The following SLC4A7 variants were observed in gnomAD, a reference collection of about 807,000 sequenced individuals.
SLC4A7 encodes the protein sodium bicarbonate cotransporter 3.
Under a neutral mutation model 137.6 loss-of-function variants are expected in SLC4A7, and 51 were observed. That is an observed-to-expected ratio of 0.37 (90% CI 0.30 to 0.47). The LOEUF (loss-of-function observed/expected upper bound fraction) is 0.47, where lower values mean the gene tolerates loss of function less well. Ranked by LOEUF, SLC4A7 falls within the 20% of genes least tolerant of loss-of-function variation. The pLI, the probability that SLC4A7 is intolerant of heterozygous loss-of-function variation, is 1.00. For missense variants in SLC4A7, 1,247 were observed against 1,525.4 expected (o/e 0.82, Z 3.04); for synonymous variants, 542 against 518.6 (o/e 1.05, Z -0.61).
chr3:27,436,354 CT>C, intron 5 of SLC4A7, 33 bp downstream of exon 5: 1 of 1,543,246 alleles, frequency 6.5e-7, no homozygotes, highest in Non-Finnish European at 8.9e-7. Flanking sequence ...TCCACTACAC[CT>C]TACATATTTT....
Position 27,434,065 on chromosome 3 carries a change from T to C in SLC4A7, c.629A>G (p.Asp210Gly). The C allele has an allele frequency of 6.2e-7, 1 of 1,613,552 alleles. No individual in the cohort carries two copies. The highest frequency in any genetic ancestry group is 1.7e-5 in the Admixed American group (1 of 59,974). Reference sequence around the variant, plus strand: ...TCTGACATTCTCTCGTATGGACTCGTCTAATTGGCCAGAAGCTATCATGTT... The same window carrying C: ...TCTGACATTCTCTCGTATGGACTCGCCTAATTGGCCAGAAGCTATCATGTT... ...LDNMIASGQL[D>G]ESIRENVREA... The change falls in exon 6 of 26, where the codon GAC (aspartate) becomes GGC (glycine). Residue 210 changes from aspartate to glycine, a missense_variant. This residue lies in a region of SLC4A7 where 223 missense variants were observed against 203.6 expected (regional missense o/e 1.10). Transcript: ENST00000454389.
chr3:27,407,375 G>A (rs928806466), intron 13 of SLC4A7, among the ~76,000 whole-genome samples: 8 of 151,588 alleles, frequency 5.3e-5, no homozygotes, highest in East Asian at 2.0e-4. Context: ...AGCTACTCAG[G>A]AGACTGAGGC....
At chr3:27,462,714 TA>T in intron 1 of SLC4A7, 1 of 39,188 alleles carries the variant, frequency 2.6e-5, no homozygotes, top group Non-Finnish European at 5.1e-5. Context: ...GTTGAGAATC[TA>T]AAAGCAACTC....
intron 1 of SLC4A7, among the ~76,000 whole-genome samples, chr3:27,481,585 C>T (rs2059709279): frequency 6.6e-6 from 1 of 152,168 alleles, no homozygotes; most frequent in Non-Finnish European, 1.5e-5. Context: ...TTTATCAACG[C>T]CAATAGTTCC....
chr3:27,381,671 A>G (rs1246441143), intron 24 of SLC4A7, among the ~76,000 whole-genome samples: 1 of 151,932 alleles, frequency 6.6e-6, no homozygotes, highest in African/African-American at 2.4e-5. Context: ...CTAAAAAAAA[A>G]GAGAAAGAAA....
intron 20 of SLC4A7, among the ~76,000 whole-genome samples, chr3:27,393,989 G>A (rs111271538): frequency 6.6e-6 from 1 of 151,878 alleles, no homozygotes. Flanking sequence ...TTTTATTTAT[G>A]AGCGTTTTAT....
chr3:27,444,438 C>T (rs761487311), intron 3 of SLC4A7, among the ~76,000 whole-genome samples: 25 of 152,166 alleles, frequency 1.6e-4, no homozygotes, highest in Admixed American at 9.2e-4. Context: ...TCCGCTCATA[C>T]ATATTAGACT....
chr3:27,393,046 G>C (rs773144156), intron 20 of SLC4A7, among the ~76,000 whole-genome samples: 43 of 152,172 alleles, frequency 2.8e-4, no homozygotes, highest in Non-Finnish European at 4.3e-4. Context: ...TCTGAGATCT[G>C]TTTAGCTGGA....
intron 21 of SLC4A7, among the ~76,000 whole-genome samples, chr3:27,391,294 C>T (rs2051527940): frequency 6.6e-6 from 1 of 152,036 alleles, no homozygotes; most frequent in Non-Finnish European, 1.5e-5. Flanking sequence ...TCTTCCTTTC[C>T]TCTCTCCCAA....
chr3:27,395,213 G>T, intron 18 of SLC4A7, 98 bp from the exon 19 acceptor site: 1 of 748,538 alleles, frequency 1.3e-6, no homozygotes, highest in Non-Finnish European at 2.0e-6. Flanking sequence ...AATACCCAAC[G>T]AATGGGAAAT....
intron 1 of SLC4A7, among the ~76,000 whole-genome samples, chr3:27,478,360 A>C (rs1003953108): frequency 4.6e-5 from 7 of 151,708 alleles, no homozygotes; most frequent in African/African-American, 1.7e-4. Context: ...TCTACTAAAA[A>C]TACAAAAATT....
rs1041461297 is a variant in SLC4A7, at chr3:27,373,031, C to T, written c.*3733G>A. 5.5e-5 allele frequency: 8 copies of T among 144,550 alleles called. No homozygotes were observed. Among genetic ancestry groups the T allele is most frequent in the African/African-American group, 1.0e-4 (4 of 38,694 alleles). 9.0% of individuals were successfully genotyped at this position (144,550 alleles called of 1,614,324 possible). ...AAAATTCAATTTTTATTTATTTAAA[C>T]GTAGTTAAACATTGGAAGACAATCT... On this transcript the variant is annotated 3_prime_UTR_variant, in exon 26 of 26. Transcript: ENST00000454389.
At chr3:27,412,940 T>C (rs1199265660) in intron 11 of SLC4A7, among the ~76,000 whole-genome samples, 1 of 152,034 alleles carries the variant, frequency 6.6e-6, no homozygotes, top group Non-Finnish European at 1.5e-5. Context: ...AAATCTTTCC[T>C]GGAAGAAAGT....
intron 25 of SLC4A7, 105 bp downstream of exon 25, chr3:27,379,144 C>A (rs1343227479): frequency 3.1e-6 from 2 of 643,080 alleles, no homozygotes; most frequent in Non-Finnish European, 5.5e-6. Flanking sequence ...ATACCTTATT[C>A]CAAGTATACA....
chr3:27,469,773 A>G (rs557689905), intron 1 of SLC4A7, among the ~76,000 whole-genome samples: 1 of 152,306 alleles, frequency 6.6e-6, no homozygotes, highest in African/African-American at 2.4e-5. Flanking sequence ...TAATAAAATA[A>G]CAATAATAAT....
intron 22 of SLC4A7, among the ~76,000 whole-genome samples, chr3:27,388,185 C>T (rs1393937976): frequency 6.6e-6 from 1 of 152,052 alleles, no homozygotes; most frequent in African/African-American, 2.4e-5. Flanking sequence ...TTAATAATTG[C>T]TTTGAAGCCA....
intron 11 of SLC4A7, among the ~76,000 whole-genome samples, chr3:27,415,698 C>A (rs866617572): frequency 6.6e-6 from 1 of 152,196 alleles, no homozygotes; most frequent in Non-Finnish European, 1.5e-5. Context: ...TTTGCTGGCA[C>A]TAAATTATCC....
intron 3 of SLC4A7, among the ~76,000 whole-genome samples, chr3:27,447,810 G>C (rs916431185): frequency 3.3e-5 from 5 of 151,944 alleles, no homozygotes; most frequent in Non-Finnish European, 5.9e-5. Context: ...AAAAAACCCT[G>C]TCCTTTTATA....
intron 1 of SLC4A7, among the ~76,000 whole-genome samples, chr3:27,458,986 T>C (rs1378949169): frequency 2.6e-5 from 4 of 151,946 alleles, no homozygotes; most frequent in Non-Finnish European, 5.9e-5. Flanking sequence ...CAGAGCGAGA[T>C]TCCATCTAAA....
Sources: allele counts gnomAD v4.1 joint callset (sites outside exome capture counted in the v4.1 genomes callset), GRCh38; gene constraint gnomAD v4.1.1; regional missense constraint gnomAD v4.1.1; transcripts MANE v1.5; gene names NCBI Gene and HGNC (gene_info 2026-07-23, HGNC 2026-07-21).